The following EIF2D variants were observed in gnomAD, a reference collection of about 807,000 sequenced individuals.
The protein encoded by EIF2D is eukaryotic translation initiation factor 2D.
EIF2D carries 56 observed loss-of-function variants against 77.4 expected under a neutral mutation model. That is an observed-to-expected ratio of 0.72 (90% CI 0.58 to 0.90). The LOEUF is 0.90. Among genes scored for constraint, EIF2D ranks in the 40% least tolerant of loss-of-function variants. The pLI is 0.00. For missense variants in EIF2D, 574 were observed against 706.5 expected (o/e 0.81, Z 2.13); for synonymous variants, 230 against 271.0 (o/e 0.85, Z 1.49).
chr1:206,599,759 A>G lies in EIF2D; in HGVS notation c.1026T>C (p.Ile342=). 6.2e-7 allele frequency: 1 copy of G among 1,614,064 alleles called. No individual in the cohort carries two copies. The highest frequency in any genetic ancestry group is 8.5e-7 in the Non-Finnish European group (1 of 1,180,000). ...TCGGGTGTTTCCAGTCCACAGCCAC[A>G]ATGCTCTCCACCCCTTTGCTCAGCT... The part of the protein sequence containing the change: ...VKELSKGVES[I]VAVDWKHPRI... Residue 342 remains isoleucine, a synonymous_variant, in exon 9 of 15, where the codon ATT becomes ATC. Coordinates refer to ENST00000271764, the MANE Select transcript of EIF2D (RefSeq NM_006893.3). The surrounding 1 kb of genome is among the most constrained non-coding windows in gnomAD (Gnocchi z 4.1).
chr1:206,607,112 A>T (rs970435487), intron 4 of EIF2D, among the ~76,000 whole-genome samples: 12 of 152,366 alleles, frequency 7.9e-5, no homozygotes, highest in Middle Eastern at 3.4e-3. Context: ...CACAACAGGT[A>T]AAAAGGTTTG....
At position 206,607,230 on chromosome 1, in the gene EIF2D, C is replaced by CCA. The variant is rs139155731; in HGVS notation, c.422+1004_422+1005dup. Among the ~76,000 whole-genome samples, 1,050 of 152,234 alleles carry CCA rather than the reference C, an allele frequency of 6.9e-3. 6 individuals carry two copies. Among genetic ancestry groups the CCA allele is most frequent in the Non-Finnish European group, 0.012 (800 of 68,022 alleles). ...AAGAAAAATTAAAAAAAGAAAACGT[C>CCA]CACACTATATTAAGTGAAAAAATAA... On this transcript the variant is annotated intron_variant, in intron 4 of 14. Transcript: ENST00000271764.
chr1:206,605,579 T>C, intron 4 of EIF2D, 72 bp from the exon 5 acceptor site: 1 of 1,302,144 alleles, frequency 7.7e-7, no homozygotes, highest in South Asian at 1.2e-5. Flanking sequence ...GATCATCTTC[T>C]GACACATGTG....
rs1553409908 is a variant in EIF2D, at chr1:206,595,755, A to G, written c.1472T>C (p.Ile491Thr). 6 of 1,614,204 alleles carry G rather than the reference A, an allele frequency of 3.7e-6. No homozygotes were observed. The highest frequency in any genetic ancestry group is 5.1e-6 in the Non-Finnish European group (6 of 1,180,026). ...PIVKKGRICP[I>T]DITLAQRASN... is the part of the protein sequence containing the mutation. ...CGCTCTTTGTGCTAGGGTGATGTCA[A>G]TTGGACAGATTCTCCCTTTCTTCAC... Residue 491 changes from isoleucine to threonine, a missense_variant, in exon 13 of 15, where the codon ATT (isoleucine) becomes ACT (threonine). Transcript: ENST00000271764.
At chr1:206,582,652 T>C (rs1668939943) in intron 2 of EIF2D, among the ~76,000 whole-genome samples, 1 of 152,224 alleles carries the variant, frequency 6.6e-6, no homozygotes, top group Non-Finnish European at 1.5e-5. Flanking sequence ...AGTTCACTCG[T>C]TCATTTGACA....
At chr1:206,575,180 A>G (rs1218118796) in intron 4 of EIF2D, among the ~76,000 whole-genome samples, 1 of 152,088 alleles carries the variant, frequency 6.6e-6, no homozygotes, top group Admixed American at 6.5e-5. Context: ...TTGCCTGCAG[A>G]CGTTCCCATC....
intron 13 of EIF2D, 106 bp downstream of exon 13, chr1:206,595,612 G>C: frequency 1.4e-6 from 2 of 1,383,654 alleles, no homozygotes; most frequent in African/African-American, 1.4e-5. Flanking sequence ...AAAAATCTTT[G>C]ATGAGTTTGA....
At chr1:206,576,634 C>T (rs1375269259) in intron 4 of EIF2D, among the ~76,000 whole-genome samples, 1 of 152,148 alleles carries the variant, frequency 6.6e-6, no homozygotes, top group Non-Finnish European at 1.5e-5. Flanking sequence ...TGCCAGGGAT[C>T]TGGTACATTA....
Position 206,591,822 on chromosome 1 carries a change from G to A in EIF2D, c.1708C>T (p.His570Tyr). Residue 570 changes from histidine (H) to tyrosine (Y), a missense_variant, in exon 15 of 15, where the codon CAC becomes TAC. His to Tyr is a moderately conservative substitution (Grantham distance 83). Transcript: ENST00000271764. ...AGGGCCTTTTCTAGACCTTGGATGT[G>A]TTTTCGAGGGAGCTGATACTCTTCT... ...LLEEYQLPRK[H>Y]IQGLEKALKP... The A allele has an allele frequency of 6.2e-7, 1 of 1,614,102 alleles. No individual in the cohort carries two copies. Among genetic ancestry groups the A allele is most frequent in the Non-Finnish European group, 8.5e-7 (1 of 1,180,018 alleles).
At chr1:206,590,116 C>T (rs1192796650), downstream of EIF2D, among the ~76,000 whole-genome samples, 6 of 152,198 alleles carry the variant, frequency 3.9e-5, no homozygotes, top group African/African-American at 1.2e-4. Context: ...GAACCTGTTA[C>T]ACAGTCTGGC....
downstream of EIF2D, among the ~76,000 whole-genome samples, chr1:206,569,748 A>G (rs1353108368): frequency 2.0e-5 from 3 of 152,200 alleles, no homozygotes; most frequent in African/African-American, 4.8e-5. Flanking sequence ...CTTTCTGGGC[A>G]GTCCCCTGGG....
chr1:206,572,485 G>A (rs1450303211), intron 5 of EIF2D: 7 of 152,160 alleles, frequency 4.6e-5, no homozygotes, highest in African/African-American at 1.4e-4. Flanking sequence ...CCTGGGGCTA[G>A]GGTAACCAAA....
chr1:206,608,533 C>T lies in EIF2D; in HGVS notation c.332-207G>A, dbSNP rs75188619. 6.6e-3 allele frequency among the ~76,000 whole-genome samples: 1,005 copies of T among 152,326 alleles called. 10 individuals carry two copies. Among genetic ancestry groups the T allele is most frequent in the African/African-American group, 0.023 (956 of 41,560 alleles). ...TATTCATAATAAAAATGAAAAATGG[C>T]AACTTCAGTATCAGACCTTCTCCCC... On this transcript the variant is annotated intron_variant, in intron 3 of 14. Coordinates refer to ENST00000271764, the MANE Select transcript of EIF2D (RefSeq NM_006893.3).
downstream of EIF2D, chr1:206,587,012 G>C: frequency 6.2e-7 from 1 of 1,612,728 alleles, no homozygotes; most frequent in Non-Finnish European, 8.5e-7. Context: ...GGTGCATTCA[G>C]ATTTATTTGT....
At chr1:206,593,508 AGTGTGTGTGTGT>A (rs782562616) in intron 14 of EIF2D, 99 bp downstream of exon 14, 16 of 401,594 alleles carry the variant, frequency 4.0e-5, no homozygotes, top group African/African-American at 2.6e-4. Flanking sequence ...AGAGAGAGAG[AGTGTGTGTGTGT>A]GTGTGTGTGT....
At chr1:206,593,541 G>GTGTGTGTGTGTGTGTGTGTGTGTT in intron 14 of EIF2D, 78 bp downstream of exon 14, 1 of 1,098,828 alleles carries the variant, frequency 9.1e-7, no homozygotes, top group Non-Finnish European at 1.3e-6. Flanking sequence ...GTGTGTGTGT[G>GTGTGTGTGTGTGTGTGTGTGTGTT]TATTATGCAA....
At chr1:206,576,272 C>T (rs534365821) in intron 4 of EIF2D, among the ~76,000 whole-genome samples, 3 of 152,318 alleles carry the variant, frequency 2.0e-5, no homozygotes, top group South Asian at 2.1e-4. Context: ...AGATCTGTGA[C>T]GATGGTAATT....
intron 4 of EIF2D, among the ~76,000 whole-genome samples, chr1:206,606,454 C>T (rs1670206134): frequency 6.6e-6 from 1 of 152,188 alleles, no homozygotes; most frequent in African/African-American, 2.4e-5. Context: ...ATTACCCCCA[C>T]CACAAACCAT....
At position 206,599,526 on chromosome 1, in the gene EIF2D, T is replaced by C. The variant is rs782530389; in HGVS notation, c.1139A>G (p.Asp380Gly). Residue 380 changes from aspartate (D) to glycine (G), a missense_variant, in exon 10 of 15, where the codon GAT becomes GGT. By Grantham distance (94) the Asp-to-Gly change is moderately conservative. Transcript: ENST00000271764. This position sits in a 1 kb window ranked among gnomAD's most constrained non-coding sequence, Gnocchi z 4.1. The part of the protein sequence containing the change: ...GSREQPYHPP[D>G]IKPLYCVPAS... ...TGGGACACAGTAGAGGGGTTTTATA[T>C]CTGGAGGGTGATAGGGCTGTTCCCT... 1.2e-6 allele frequency: 2 copies of C among 1,613,202 alleles called. No individual in the cohort carries two copies. Among genetic ancestry groups the C allele is most frequent in the African/African-American group, 1.3e-5 (1 of 75,004 alleles).
Sources: gnomAD v4.1 joint callset for allele counts (sites outside exome capture counted in the v4.1 genomes callset) on GRCh38, gnomAD v4.1.1 for gene constraint, Gnocchi (gnomAD v3.1) non-coding constraint, MANE v1.5 for transcripts, NCBI Gene and HGNC (gene_info 2026-07-23, HGNC 2026-07-21) for gene names.